The following PLXDC2 variants were observed in gnomAD, a reference collection of about 807,000 sequenced individuals.
The protein encoded by PLXDC2 is plexin domain-containing protein 2.
In PLXDC2, 40 loss-of-function variants were observed where a neutral mutation model predicts 68.9. The observed-to-expected ratio is 0.58, with a 90% CI of 0.45 to 0.76. PLXDC2 has a LOEUF of 0.76. Among genes scored for constraint, PLXDC2 ranks in the 30% least tolerant of loss-of-function variants. PLXDC2 has a pLI of 0.00. For synonymous variants in PLXDC2, 243 were observed against 234.2 expected (o/e 1.04, Z -0.34); for missense variants, 644 against 661.9 (o/e 0.97, Z 0.30).
chr10:20,205,779 T>TA (rs1834982761), intron 9 of PLXDC2, among the ~76,000 whole-genome samples: 1 of 152,026 alleles, frequency 6.6e-6, no homozygotes, highest in Non-Finnish European at 1.5e-5. Flanking sequence ...TTAATCCTTA[T>TA]ATAACCTCCC....
Position 20,177,047 on chromosome 10 carries a change from T to G in PLXDC2, c.932T>G (p.Met311Arg). 1 of 1,612,264 alleles carries G rather than the reference T, an allele frequency of 6.2e-7. No individual in the cohort carries two copies. Among genetic ancestry groups the G allele is most frequent in the Non-Finnish European group, 8.5e-7 (1 of 1,179,158 alleles). Residue 311 changes from methionine to arginine, a missense_variant, in exon 8 of 14, where the codon ATG (methionine) becomes AGG (arginine). Transcript: ENST00000377252. ...GAATACCACCGAGTAGAGCTACAAA[T>G]GTCAAAAATTACCAACATTTCGGCT... ...IYEYHRVELQMSKITNISAVE... is the reference protein window; with the variant it reads ...IYEYHRVELQRSKITNISAVE...
At chr10:19,860,423 G>A (rs968865921) in intron 1 of PLXDC2, among the ~76,000 whole-genome samples, 2 of 152,162 alleles carry the variant, frequency 1.3e-5, no homozygotes, top group African/African-American at 2.4e-5. Flanking sequence ...ACCTGTTGAT[G>A]AATGAGCGAA....
At chr10:20,134,593 G>T (rs191617384) in intron 4 of PLXDC2, among the ~76,000 whole-genome samples, 4 of 152,152 alleles carry the variant, frequency 2.6e-5, no homozygotes, top group African/African-American at 9.7e-5. Flanking sequence ...TGCATGACAG[G>T]CATGGATCCT....
intron 2 of PLXDC2, among the ~76,000 whole-genome samples, chr10:20,014,197 T>TCC (rs1835163914): frequency 8.1e-6 from 1 of 122,780 alleles, no homozygotes; most frequent in Admixed American, 7.9e-5. Context: ...CCCTCCCTTG[T>TCC]TTCCTTCCTT....
At chr10:19,912,180 G>C (rs1164796655) in intron 1 of PLXDC2, among the ~76,000 whole-genome samples, 2 of 152,194 alleles carry the variant, frequency 1.3e-5, no homozygotes, top group African/African-American at 4.8e-5. Flanking sequence ...TATTAGAGCT[G>C]AGCTGCTGAA....
At chr10:20,187,960 T>G (rs1365092184) in intron 9 of PLXDC2, among the ~76,000 whole-genome samples, 1 of 151,856 alleles carries the variant, frequency 6.6e-6, no homozygotes, top group Admixed American at 6.6e-5. Flanking sequence ...GCCATTTCAA[T>G]AGAAAACTGT....
At chr10:20,044,229 CTTT>C (rs1835745462) in intron 2 of PLXDC2, among the ~76,000 whole-genome samples, 1 of 68,746 alleles carries the variant, frequency 1.5e-5, no homozygotes, top group African/African-American at 7.3e-5. Flanking sequence ...TTCTTTCTTT[CTTT>C]CTTTCTTTCT....
chr10:20,091,677 A>T (rs1426448247), intron 4 of PLXDC2: 1 of 152,054 alleles, frequency 6.6e-6, no homozygotes, highest in Non-Finnish European at 1.5e-5. Context: ...GCCCTTTTTA[A>T]ATGCTTGAAG....
intron 12 of PLXDC2, among the ~76,000 whole-genome samples, chr10:20,229,657 G>T (rs1835334551): frequency 6.6e-6 from 1 of 152,028 alleles, no homozygotes; most frequent in South Asian, 2.1e-4. Context: ...CTTCGAAACA[G>T]CTAGGTTTTC....
chr10:20,003,856 G>C (rs555166201), intron 2 of PLXDC2, among the ~76,000 whole-genome samples: 1 of 152,138 alleles, frequency 6.6e-6, no homozygotes, highest in Admixed American at 6.5e-5. Flanking sequence ...TGACCTTTCC[G>C]GGCTGACTAC....
At chr10:20,074,930 A>T (rs1836413713) in intron 4 of PLXDC2, among the ~76,000 whole-genome samples, 2 of 152,190 alleles carry the variant, frequency 1.3e-5, no homozygotes, top group South Asian at 2.1e-4. Context: ...GTTATGGAAG[A>T]TACTAAAGAG....
chr10:20,280,282 T>A lies in PLXDC2; in HGVS notation c.*463T>A, dbSNP rs543793574. The A allele has an allele frequency of 6.5e-6, 1 of 153,664 alleles. No homozygotes were observed. Among genetic ancestry groups the A allele is most frequent in the Non-Finnish European group, 1.5e-5 (1 of 68,766 alleles). 9.5% of individuals were successfully genotyped at this position (153,664 alleles called of 1,614,324 possible). On this transcript the variant is annotated 3_prime_UTR_variant, in exon 14 of 14. Transcript: ENST00000377252. ...ACTCAAAAGAGCAATGATGAATGTC[T>A]CAAGATTGCTAAGAAAAACAGCCCA... is the stretch of plus-strand genomic sequence containing the variant.
chr10:19,987,961 A>G lies in PLXDC2; in HGVS notation c.113-13814A>G, dbSNP rs189776325. ...ACATTTTATATATAACTTACATTTC[A>G]TACCCTATTCCCTTTCCCCTACCCA... On this transcript the variant is annotated intron_variant, in intron 1 of 13. Coordinates refer to ENST00000377252, the MANE Select transcript of PLXDC2 (RefSeq NM_032812.9). Among the ~76,000 whole-genome samples, 2 of 152,292 alleles carry G rather than the reference A, an allele frequency of 1.3e-5. 1 individual carries two copies. Among genetic ancestry groups the G allele is most frequent in the Admixed American group, 1.3e-4 (2 of 15,294 alleles).
intron 13 of PLXDC2, among the ~76,000 whole-genome samples, chr10:20,253,453 T>C (rs897411787): frequency 6.6e-6 from 1 of 151,626 alleles, no homozygotes; most frequent in African/African-American, 2.4e-5. Flanking sequence ...TGTGCCTAAA[T>C]TAGAAGTTAT....
rs879523567 is a variant in PLXDC2 at position 20,288,899 on chromosome 10, T to C, written c.*9080T>C. The stretch of plus-strand genomic sequence containing the variant: ...ATGTTACCTGTGTTTTTGCTGTTGA[T>C]TGCTATTTTCAGAAGCAAACCATGT... On this transcript the variant is annotated 3_prime_UTR_variant, in exon 14 of 14. Coordinates refer to ENST00000377252, the MANE Select transcript of PLXDC2 (RefSeq NM_032812.9). 1 of 152,128 alleles carries C rather than the reference T, an allele frequency of 6.6e-6. No homozygotes were observed. The highest frequency in any genetic ancestry group is 1.5e-5 in the Non-Finnish European group (1 of 68,038). 9.4% of individuals were successfully genotyped at this position (152,128 alleles called of 1,614,324 possible).
chr10:19,862,805 CAT>C (rs1285549501), intron 1 of PLXDC2, among the ~76,000 whole-genome samples: 2 of 152,232 alleles, frequency 1.3e-5, no homozygotes, highest in East Asian at 3.9e-4. Flanking sequence ...TGTAGTTTTG[CAT>C]ATGTTTCTTT....
intron 1 of PLXDC2, among the ~76,000 whole-genome samples, chr10:19,958,830 G>A (rs888174988): frequency 6.6e-6 from 1 of 152,036 alleles, no homozygotes; most frequent in Non-Finnish European, 1.5e-5. Flanking sequence ...GTTTTGTTTT[G>A]TTTTGTTTTT....
chr10:20,100,888 T>TA (rs60761147), intron 4 of PLXDC2, among the ~76,000 whole-genome samples: 39,281 of 149,056 alleles, frequency 0.26, 6,668 homozygotes, highest in African/African-American at 0.48. Flanking sequence ...ATGCTAAAAT[T>TA]AAAAAAAAAA....
At chr10:20,098,603 T>G (rs1191427059) in intron 4 of PLXDC2, among the ~76,000 whole-genome samples, 2 of 152,210 alleles carry the variant, frequency 1.3e-5, no homozygotes, top group African/African-American at 4.8e-5. Flanking sequence ...AGGGCATTTT[T>G]CAGCCTAACA....
Sources: allele counts gnomAD v4.1 joint callset (sites outside exome capture counted in the v4.1 genomes callset), GRCh38; gene constraint gnomAD v4.1.1; transcripts MANE v1.5; gene names NCBI Gene and HGNC (gene_info 2026-07-23, HGNC 2026-07-21).